The following SLC1A3 variants were observed in gnomAD, a reference collection of about 807,000 sequenced individuals.
SLC1A3 encodes the protein solute carrier family 1 member 3.
A neutral mutation model predicts 48.1 loss-of-function variants in SLC1A3; 21 were observed. The ratio of observed to expected loss-of-function variants is 0.44; its 90% CI spans 0.31 to 0.63. SLC1A3 has a LOEUF of 0.63. Among genes scored for constraint, SLC1A3 ranks in the 20% least tolerant of loss-of-function variants. SLC1A3 has a pLI of 0.08. For missense variants in SLC1A3, 546 were observed against 689.0 expected, an observed-to-expected ratio of 0.79 and a Z score of 2.32; for synonymous variants, 239 against 251.4, an observed-to-expected ratio of 0.95 and a Z score of 0.47.
At chr5:36,662,135 T>A (rs2111889307) in intron 3 of SLC1A3, among the ~76,000 whole-genome samples, 1 of 152,222 alleles carries the variant, frequency 6.6e-6, no homozygotes, top group Admixed American at 6.5e-5. Flanking sequence ...CCAAAGCAAT[T>A]TGCTGCTCTC....
chr5:36,655,103 C>A (rs971661624), intron 3 of SLC1A3, among the ~76,000 whole-genome samples: 4 of 152,058 alleles, frequency 2.6e-5, no homozygotes, highest in African/African-American at 9.7e-5. Flanking sequence ...TCCTGGGGGA[C>A]CTGGAGGTGA....
intron 2 of SLC1A3, chr5:36,612,800 A>G: frequency 2.2e-6 from 1 of 456,240 alleles, no homozygotes. Flanking sequence ...ACTGAGTGGG[A>G]TTCAAATCCA....
chr5:36,627,768 A>G (rs1012948568), intron 2 of SLC1A3, among the ~76,000 whole-genome samples: 2 of 152,236 alleles, frequency 1.3e-5, no homozygotes, highest in African/African-American at 4.8e-5. Context: ...CCTTTGCTCT[A>G]CAGGAGAAGA....
At chr5:36,672,206 G>A (rs945432300) in intron 4 of SLC1A3, among the ~76,000 whole-genome samples, 1 of 152,194 alleles carries the variant, frequency 6.6e-6, no homozygotes, top group African/African-American at 2.4e-5. Flanking sequence ...CTGTCAAAGA[G>A]AGCTCTGGGA....
At chr5:36,655,424 G>A (rs1045893901) in intron 3 of SLC1A3, among the ~76,000 whole-genome samples, 5 of 152,108 alleles carry the variant, frequency 3.3e-5, no homozygotes, top group South Asian at 2.1e-4. Flanking sequence ...ACTTCACCCC[G>A]TTTCTGCTGA....
At chr5:36,665,740 C>G (rs77682150) in intron 3 of SLC1A3, among the ~76,000 whole-genome samples, 6,032 of 152,238 alleles carry the variant, frequency 0.04, 138 homozygotes, top group Middle Eastern at 0.092. Context: ...GGAGAAGCCA[C>G]ATGGTACCAG....
chr5:36,629,875 T>A (rs998146444), intron 3 of SLC1A3: 32 of 424,664 alleles, frequency 7.5e-5, no homozygotes, highest in Non-Finnish European at 6.6e-5. Flanking sequence ...CAGCCTTCTC[T>A]GACCACAGTG....
intron 5 of SLC1A3, among the ~76,000 whole-genome samples, chr5:36,675,261 A>T (rs1742159560): frequency 6.6e-6 from 1 of 152,020 alleles, no homozygotes; most frequent in Non-Finnish European, 1.5e-5. Context: ...TTAAAAAAAA[A>T]AATAAGCCTG....
chr5:36,677,206 A>T (rs1202554037), intron 6 of SLC1A3, 22 bp downstream of exon 6: 1 of 1,595,424 alleles, frequency 6.3e-7, no homozygotes, highest in Non-Finnish European at 8.6e-7. Flanking sequence ...CATTTTCTAT[A>T]TATGTTATAT....
intron 3 of SLC1A3, chr5:36,668,002 C>T (rs766336732): frequency 6.6e-6 from 1 of 152,214 alleles, no homozygotes; most frequent in Non-Finnish European, 1.5e-5. Flanking sequence ...GTAACACACT[C>T]CCACAATTAC....
chr5:36,665,021 C>T (rs1008925328), intron 3 of SLC1A3, among the ~76,000 whole-genome samples: 6 of 151,402 alleles, frequency 4.0e-5, no homozygotes, highest in Non-Finnish European at 8.8e-5. Context: ...GGAAATGAAA[C>T]TCCGGGTGCC....
chr5:36,628,211 A>G (rs536967817), intron 2 of SLC1A3, among the ~76,000 whole-genome samples: 3 of 152,320 alleles, frequency 2.0e-5, no homozygotes, highest in Non-Finnish European at 4.4e-5. Flanking sequence ...GATTCTTATT[A>G]GAATATCACA....
At chr5:36,608,165 C>A in intron 1 of SLC1A3, 164 bp from the exon 2 acceptor site, 2 of 447,816 alleles carry the variant, frequency 4.5e-6, no homozygotes, top group South Asian at 4.1e-5. Context: ...ACACGTGGTC[C>A]ACTAAAATAT....
chr5:36,653,918 A>G (rs6891580), intron 3 of SLC1A3, among the ~76,000 whole-genome samples: 8,445 of 152,306 alleles, frequency 0.055, 258 homozygotes, highest in East Asian at 0.089. Context: ...ATCTTGGCTC[A>G]CTGCAACCTT....
At chr5:36,681,302 TTCA>T (rs1172897707) in intron 8 of SLC1A3, among the ~76,000 whole-genome samples, 3 of 152,242 alleles carry the variant, frequency 2.0e-5, no homozygotes, top group Admixed American at 2.0e-4. Flanking sequence ...ATATGTCTAC[TTCA>T]TCATTCTTTT....
chr5:36,618,686 C>A (rs1051617619), intron 2 of SLC1A3, among the ~76,000 whole-genome samples: 1 of 145,864 alleles, frequency 6.9e-6, no homozygotes, highest in African/African-American at 2.8e-5. Context: ...AATGGGAACA[C>A]CTTTGCTGTG....
chr5:36,673,297 C>T (rs1273361118), intron 4 of SLC1A3, among the ~76,000 whole-genome samples: 1 of 152,136 alleles, frequency 6.6e-6, no homozygotes, highest in East Asian at 1.9e-4. Flanking sequence ...CATCTTGGAG[C>T]TCTAATGATA....
chr5:36,675,580 A>G (rs1329960048), intron 5 of SLC1A3, among the ~76,000 whole-genome samples: 1 of 152,228 alleles, frequency 6.6e-6, no homozygotes, highest in Non-Finnish European at 1.5e-5. Context: ...CATGCTGCAA[A>G]CAGAGTCTAA....
intron 4 of SLC1A3, among the ~76,000 whole-genome samples, chr5:36,671,968 A>G (rs1742014558): frequency 6.6e-6 from 1 of 152,206 alleles, no homozygotes; most frequent in Admixed American, 6.5e-5. Flanking sequence ...AGGTCCTGGC[A>G]GGAAGCATAC....
Sources: gnomAD v4.1 joint callset for allele counts (sites outside exome capture counted in the v4.1 genomes callset) on GRCh38, gnomAD v4.1.1 for gene constraint, MANE v1.5 for transcripts, NCBI Gene and HGNC (gene_info 2026-07-23, HGNC 2026-07-21) for gene names.